The following CSMD1 variants were observed in gnomAD, a reference collection of about 807,000 sequenced individuals.
The protein encoded by CSMD1 is CUB and sushi domain-containing protein 1.
CSMD1 carries 213 observed loss-of-function variants against 417.5 expected under a neutral mutation model. The ratio of observed to expected loss-of-function variants is 0.51; its 90% CI spans 0.46 to 0.57. The LOEUF is 0.57. Among genes scored for constraint, CSMD1 ranks in the 20% least tolerant of loss-of-function variants. CSMD1 has a pLI of 0.00. For synonymous variants in CSMD1, 2,862 were observed against 1,736.8 expected, an observed-to-expected ratio of 1.65 and a Z score of -16.11; for missense variants, 6,923 against 4,529.7, an observed-to-expected ratio of 1.53 and a Z score of -15.17.
intron 22 of CSMD1, among the ~76,000 whole-genome samples, chr8:3,347,034 C>G (rs264311): frequency 0.98 from 149,735 of 152,268 alleles, 73,682 homozygotes; most frequent in Middle Eastern, 1. Context: ...AATTGTCTTG[C>G]GGCACGCATA....
intron 1 of CSMD1, among the ~76,000 whole-genome samples, chr8:4,700,331 T>A (rs1179629551): frequency 3.9e-5 from 6 of 151,952 alleles, no homozygotes; most frequent in Non-Finnish European, 7.4e-5. Flanking sequence ...TTATCATTAA[T>A]CTATTATTTA....
chr8:3,043,125 T>C (rs1585213530), intron 50 of CSMD1, among the ~76,000 whole-genome samples: 3 of 149,856 alleles, frequency 2.0e-5, no homozygotes, highest in Non-Finnish European at 4.4e-5. Flanking sequence ...GATATATATA[T>C]AGTACATATA....
At chr8:4,492,872 A>C (rs1289884855) in intron 2 of CSMD1, among the ~76,000 whole-genome samples, 1 of 152,228 alleles carries the variant, frequency 6.6e-6, no homozygotes, top group Non-Finnish European at 1.5e-5. Context: ...TGCTTGAAAA[A>C]TACATTTTTC....
chr8:3,375,137 G>A (rs891560563), intron 18 of CSMD1: 1 of 152,044 alleles, frequency 6.6e-6, no homozygotes, highest in African/African-American at 2.4e-5. Flanking sequence ...GTTAAACACT[G>A]ACCTCGTTCT....
At chr8:4,977,888 C>A (rs954725902) in intron 1 of CSMD1, among the ~76,000 whole-genome samples, 1 of 152,190 alleles carries the variant, frequency 6.6e-6, no homozygotes, top group Non-Finnish European at 1.5e-5. Flanking sequence ...AATACTTAAT[C>A]AACTCATTCA....
chr8:3,551,765 G>A (rs4273873), intron 10 of CSMD1, among the ~76,000 whole-genome samples: 5 of 151,826 alleles, frequency 3.3e-5, no homozygotes, highest in African/African-American at 4.8e-5. Context: ...GACAAGCTGC[G>A]ATAATATGAT....
chr8:3,719,787 C>T (rs552279799), intron 6 of CSMD1, among the ~76,000 whole-genome samples: 4 of 152,234 alleles, frequency 2.6e-5, no homozygotes, highest in African/African-American at 7.2e-5. Context: ...TCCAGTTCTA[C>T]GTGTGTCCAG....
intron 2 of CSMD1, among the ~76,000 whole-genome samples, chr8:4,484,746 G>A (rs1308271542): frequency 1.3e-5 from 2 of 151,958 alleles, no homozygotes; most frequent in Non-Finnish European, 2.9e-5. Flanking sequence ...GAGACGGGCG[G>A]ATCACGAGGT....
intron 46 of CSMD1, among the ~76,000 whole-genome samples, chr8:3,100,060 T>TG (rs1161771581): frequency 2.5e-5 from 2 of 79,760 alleles, no homozygotes; most frequent in African/African-American, 6.9e-5. Flanking sequence ...CTTGTTTGTT[T>TG]GTTTGAGATA....
At chr8:4,123,848 G>A (rs1023371462) in intron 3 of CSMD1, among the ~76,000 whole-genome samples, 9 of 152,062 alleles carry the variant, frequency 5.9e-5, no homozygotes, top group Non-Finnish European at 1.0e-4. Flanking sequence ...ATGAGAACAC[G>A]GAACTTTCAA....
At chr8:4,341,460 C>T (rs1800473818) in intron 3 of CSMD1, among the ~76,000 whole-genome samples, 2 of 152,018 alleles carry the variant, frequency 1.3e-5, no homozygotes, top group Non-Finnish European at 2.9e-5. Context: ...GGTTAAGAAG[C>T]AGTATTCTCT....
chr8:3,029,090 A>T (rs1455686587), intron 51 of CSMD1, among the ~76,000 whole-genome samples: 1 of 152,140 alleles, frequency 6.6e-6, no homozygotes, highest in Non-Finnish European at 1.5e-5. Context: ...AAATACAATT[A>T]TTAACAAGGA....
intron 1 of CSMD1, among the ~76,000 whole-genome samples, chr8:4,887,420 G>A (rs1003561573): frequency 5.9e-5 from 9 of 152,140 alleles, no homozygotes; most frequent in Admixed American, 5.2e-4. Context: ...ATCTGCAAAT[G>A]AGAACCGAGG....
intron 1 of CSMD1, among the ~76,000 whole-genome samples, chr8:4,872,101 T>G (rs912116753): frequency 2.0e-4 from 30 of 152,100 alleles, no homozygotes; most frequent in African/African-American, 7.0e-4. Flanking sequence ...TGTCACTGCT[T>G]TAAATATATT....
intron 3 of CSMD1, among the ~76,000 whole-genome samples, chr8:4,032,503 A>C (rs912535190): frequency 6.6e-6 from 1 of 152,200 alleles, no homozygotes; most frequent in Admixed American, 6.5e-5. Flanking sequence ...AAATACTGCA[A>C]GAGTGAATAC....
intron 22 of CSMD1, 39 bp from the exon 23 acceptor site, chr8:3,343,489 A>C: frequency 6.3e-7 from 1 of 1,577,684 alleles, no homozygotes; most frequent in Non-Finnish European, 8.7e-7. Context: ...CTATGCCTTC[A>C]CTGGATTCTT....
At chr8:3,654,088 G>A (rs1487186871) in intron 7 of CSMD1, among the ~76,000 whole-genome samples, 1 of 152,134 alleles carries the variant, frequency 6.6e-6, no homozygotes, top group Admixed American at 6.5e-5. Flanking sequence ...TCTCTTTTCT[G>A]TTAGAGTAGA....
intron 52 of CSMD1, among the ~76,000 whole-genome samples, chr8:3,011,770 A>C (rs908403047): frequency 6.6e-6 from 1 of 152,194 alleles, no homozygotes; most frequent in African/African-American, 2.4e-5. Context: ...AAATGATGTA[A>C]ATGTTTTCAA....
chr8:3,360,940 G>T (rs1039029878), intron 20 of CSMD1, among the ~76,000 whole-genome samples: 2 of 151,306 alleles, frequency 1.3e-5, no homozygotes, highest in Non-Finnish European at 2.9e-5. Context: ...AACTTTTATG[G>T]AACTCTGTAC....
Sources: gnomAD v4.1 joint callset for allele counts (sites outside exome capture counted in the v4.1 genomes callset) on GRCh38, gnomAD v4.1.1 for gene constraint, MANE v1.5 for transcripts, NCBI Gene and HGNC (gene_info 2026-07-23, HGNC 2026-07-21) for gene names.